Variants in PDE12 observed in about 807,000 individuals in gnomAD.
PDE12 encodes the protein 2',5'-phosphodiesterase 12.
In PDE12, 26 loss-of-function variants were observed where a neutral mutation model predicts 45.4. That is an observed-to-expected ratio of 0.57 (90% CI 0.42 to 0.79). PDE12 has a LOEUF of 0.79. PDE12 is among the 30% of genes least tolerant of loss of function. The pLI, the probability that PDE12 is intolerant of heterozygous loss-of-function variation, is 0.00. For synonymous variants in PDE12, 283 were observed against 323.9 expected (o/e 0.87, Z 1.36); for missense variants, 668 against 790.0 (o/e 0.85, Z 1.85).
intron 1 of PDE12, among the ~76,000 whole-genome samples, chr3:57,558,789 C>G (rs2069694441): frequency 6.6e-6 from 1 of 151,910 alleles, no homozygotes; most frequent in Non-Finnish European, 1.5e-5. Flanking sequence ...CACGCCCGGC[C>G]TATATTGGAC....
chr3:57,583,897 C>T, the PDE12 span: 3 of 1,579,516 alleles, frequency 1.9e-6, no homozygotes, highest in Non-Finnish European at 2.6e-6. Flanking sequence ...GTATCCCTTA[C>T]CTGGGTATTC....
the PDE12 span, chr3:57,646,220 A>G: frequency 6.7e-7 from 1 of 1,490,694 alleles, no homozygotes; most frequent in African/African-American, 1.4e-5. Flanking sequence ...GGTGGGGAAA[A>G]ATACGACAGG....
the PDE12 span, chr3:57,628,112 T>C: frequency 6.7e-7 from 1 of 1,500,724 alleles, no homozygotes; most frequent in Non-Finnish European, 8.9e-7. Context: ...ATGGCAATTT[T>C]CCACTCCGCT....
the PDE12 span, chr3:57,641,576 A>G: frequency 1.6e-6 from 2 of 1,279,650 alleles, no homozygotes. Context: ...AACATAAAAA[A>G]TAATCAAGGA....
chr3:57,562,796 G>A lies in PDE12; in HGVS notation c.*2792G>A, dbSNP rs960734633. 6 of 152,138 alleles carry A rather than the reference G, an allele frequency of 3.9e-5. No individual in the cohort carries two copies. Among genetic ancestry groups the A allele is most frequent in the Non-Finnish European group, 7.3e-5 (5 of 68,028 alleles). The allele number at this position is 152,138 out of a possible 1,614,324, so 9.4% of individuals were successfully genotyped here. A position where few individuals can be genotyped will look rare whatever the true frequency, so the allele number is the denominator to read the frequency against. On this transcript the variant is annotated 3_prime_UTR_variant, in exon 3 of 3. Coordinates refer to ENST00000311180, the MANE Select transcript of PDE12 (RefSeq NM_177966.7). Reference sequence around the variant, plus strand: ...AATCAAAATTCATGAGCAAACAATCGTTTCTGGCTGTAATGTATGTTCTTT... The same window carrying A: ...AATCAAAATTCATGAGCAAACAATCATTTCTGGCTGTAATGTATGTTCTTT...
At chr3:57,589,477 T>C in the PDE12 span, among the ~76,000 whole-genome samples, 10 of 151,882 alleles carry the variant, frequency 6.6e-5, no homozygotes, top group East Asian at 2.0e-3. Context: ...CCCAGCACTT[T>C]GGGAGGCTGA....
At position 57,561,172 on chromosome 3, in the gene PDE12, G is replaced by A. The variant is rs1189331070; in HGVS notation, c.*1168G>A. On this transcript the variant is annotated 3_prime_UTR_variant, in exon 3 of 3. Coordinates refer to ENST00000311180, the MANE Select transcript of PDE12 (RefSeq NM_177966.7). The stretch of plus-strand genomic sequence containing the variant: ...TTGCCCATGAAAAATGTTCATAAAT[G>A]AACAGGGTATTTGACCATATGATAT... 8.1e-6 allele frequency: 8 copies of A among 984,174 alleles called. No homozygotes were observed. The highest frequency in any genetic ancestry group is 1.2e-6 in the Non-Finnish European group (1 of 828,600). 61.0% of individuals were successfully genotyped at this position (984,174 alleles called of 1,614,324 possible).
chr3:57,577,972 G>A, the PDE12 span, among the ~76,000 whole-genome samples: 13 of 152,002 alleles, frequency 8.6e-5, no homozygotes, highest in Admixed American at 6.6e-4. Context: ...GAGGAATCAC[G>A]AGCCCGAGAC....
the PDE12 span, among the ~76,000 whole-genome samples, chr3:57,595,732 T>C: frequency 6.6e-6 from 1 of 152,092 alleles, no homozygotes; most frequent in Non-Finnish European, 1.5e-5. Context: ...GTGGATCACC[T>C]GAGGTGAGGA....
the PDE12 span, among the ~76,000 whole-genome samples, chr3:57,594,494 T>C: frequency 2.0e-5 from 3 of 152,258 alleles, no homozygotes; most frequent in African/African-American, 7.2e-5. Flanking sequence ...TCAGATGATG[T>C]TAAATTTGAT....
Position 57,557,297 on chromosome 3 carries a change from G to GT in PDE12, c.919dup (p.Tyr307LeufsTer5). The GT allele has an allele frequency of 6.2e-7, 1 of 1,613,890 alleles. No individual in the cohort carries two copies. The highest frequency in any genetic ancestry group is 8.5e-7 in the Non-Finnish European group (1 of 1,180,026). On this transcript the variant is annotated frameshift_variant, in exon 1 of 3. Transcript: ENST00000311180. LOFTEE classifies it high-confidence loss of function. ...TCTCTTACAACATCCTGGCAGACAC[G>GT]TACGCGCAGACTGAGTTCTCGCGAA...
chr3:57,638,721 C>T, the PDE12 span, among the ~76,000 whole-genome samples: 1 of 151,878 alleles, frequency 6.6e-6, no homozygotes, highest in Non-Finnish European at 1.5e-5. Flanking sequence ...GAAAGATACT[C>T]AATATCACCG....
At chr3:57,640,509 C>T in the PDE12 span, among the ~76,000 whole-genome samples, 1 of 152,070 alleles carries the variant, frequency 6.6e-6, no homozygotes, top group Non-Finnish European at 1.5e-5. Flanking sequence ...AGGAGAAACA[C>T]TTGAACCTGG....
downstream of PDE12, among the ~76,000 whole-genome samples, chr3:57,568,614 T>C (rs1575776799): frequency 1.4e-5 from 2 of 145,452 alleles, no homozygotes; most frequent in Admixed American, 7.0e-5. Flanking sequence ...GAGATGGAGG[T>C]CTCACTATAT....
At position 57,564,161 on chromosome 3, in the gene PDE12, T is replaced by G. The variant is rs2069755916; in HGVS notation, c.*4157T>G. The G allele has an allele frequency of 6.6e-6, 1 of 152,126 alleles. No homozygotes were observed. Among genetic ancestry groups the G allele is most frequent in the Non-Finnish European group, 1.5e-5 (1 of 68,018 alleles). The allele number at this position is 152,126 out of a possible 1,614,324, so 9.4% of individuals were successfully genotyped here. On this transcript the variant is annotated 3_prime_UTR_variant, in exon 3 of 3. Coordinates refer to ENST00000311180, the MANE Select transcript of PDE12 (RefSeq NM_177966.7). The stretch of plus-strand genomic sequence containing the variant: ...CCAGGCTGGTCTTGAACTCCTGAAC[T>G]CAAGTGATCTGCCTGCCTCAGCCTC...
Position 57,557,663 on chromosome 3 carries a change from G to A in PDE12, c.1284G>A (p.Val428=), listed in dbSNP as rs2069681579. ...LVLYPSAQEK[V]LQRSSVLQVS... ...TGTACCCATCAGCGCAGGAGAAGGT[G>A]CTCCAGAGATCTTCTGTTCTTCAGG... The change falls in exon 1 of 3, where the codon GTG becomes GTA. Residue 428 remains valine (V), a synonymous_variant. Transcript: ENST00000311180. The A allele has an allele frequency of 1.3e-5, 21 of 1,613,876 alleles. No homozygotes were observed. Among genetic ancestry groups the A allele is most frequent in the Non-Finnish European group, 1.7e-5 (20 of 1,179,888 alleles).
At chr3:57,597,043 G>A in the PDE12 span, 4 of 1,610,126 alleles carry the variant, frequency 2.5e-6, no homozygotes, top group Admixed American at 5.0e-5. Context: ...GCCTTTCCCA[G>A]GTCCCGCCTG....
the PDE12 span, chr3:57,584,087 A>G: frequency 1.0e-6 from 1 of 1,004,110 alleles, no homozygotes; most frequent in Admixed American, 2.4e-5. Context: ...TTCTTAGAAT[A>G]GTGTTTTTAA....
At chr3:57,629,056 CTG>C in the PDE12 span, among the ~76,000 whole-genome samples, 1 of 152,280 alleles carries the variant, frequency 6.6e-6, no homozygotes, top group Non-Finnish European at 1.5e-5. Flanking sequence ...ATTCTAATAA[CTG>C]TTAGATAATT....
Sources: allele counts gnomAD v4.1 joint callset (sites outside exome capture counted in the v4.1 genomes callset), GRCh38; gene constraint gnomAD v4.1.1; transcripts MANE v1.5; gene names NCBI Gene and HGNC (gene_info 2026-07-23, HGNC 2026-07-21).